Variants in MYO1E observed in about 807,000 individuals in gnomAD.
MYO1E encodes the protein myosin IE, also known as unconventional myosin-Ie.
In MYO1E, 68 loss-of-function variants were observed where a neutral mutation model predicts 151.1. The observed-to-expected ratio is 0.45, with a 90% CI of 0.37 to 0.55. The LOEUF (loss-of-function observed/expected upper bound fraction) is 0.55, where lower values mean the gene tolerates loss of function less well. Among genes scored for constraint, MYO1E ranks in the 20% least tolerant of loss-of-function variants. The pLI, the probability that MYO1E is intolerant of heterozygous loss-of-function variation, is 0.00. For synonymous variants in MYO1E, 601 were observed against 501.7 expected, an observed-to-expected ratio of 1.20 and a Z score of -2.64; for missense variants, 1,363 against 1,389.3, an observed-to-expected ratio of 0.98 and a Z score of 0.30.
chr15:59,172,330 C>G (rs1363476250), intron 21 of MYO1E, among the ~76,000 whole-genome samples: 1 of 152,184 alleles, frequency 6.6e-6, no homozygotes, highest in Non-Finnish European at 1.5e-5. Context: ...GCACTCCAGC[C>G]TGGGTGACAG....
intron 19 of MYO1E, among the ~76,000 whole-genome samples, chr15:59,176,361 T>C (rs776579715): frequency 3.3e-5 from 5 of 152,074 alleles, no homozygotes; most frequent in Admixed American, 6.5e-5. Context: ...CGCGCGGTTA[T>C]GATGTGGGTT....
At chr15:59,238,209 T>C (rs2080078354) in intron 4 of MYO1E, among the ~76,000 whole-genome samples, 3 of 152,254 alleles carry the variant, frequency 2.0e-5, no homozygotes, top group Non-Finnish European at 4.4e-5. Context: ...TCTTTTCAAA[T>C]GGTTGACATA....
intron 1 of MYO1E, among the ~76,000 whole-genome samples, chr15:59,365,591 T>C (rs2080908430): frequency 6.6e-6 from 1 of 152,366 alleles, no homozygotes; most frequent in Admixed American, 6.5e-5. Context: ...TAGATCTCTC[T>C]GTGAAGTTAA....
chr15:59,219,251 G>A (rs1481202970), intron 9 of MYO1E, among the ~76,000 whole-genome samples: 2 of 152,216 alleles, frequency 1.3e-5, no homozygotes, highest in East Asian at 1.9e-4. Context: ...TGGGCAGAAC[G>A]TTCTCATATA....
intron 9 of MYO1E, among the ~76,000 whole-genome samples, chr15:59,220,854 C>T (rs2079950186): frequency 9.7e-6 from 1 of 102,628 alleles, no homozygotes; most frequent in Non-Finnish European, 2.7e-5. Context: ...CTTCCGGAGG[C>T]CAAGGCGGGA....
At chr15:59,181,498 G>A (rs1234221151) in intron 18 of MYO1E, among the ~76,000 whole-genome samples, 1 of 152,204 alleles carries the variant, frequency 6.6e-6, no homozygotes, top group Admixed American at 6.5e-5. Context: ...GTGGGGAGAT[G>A]GTGTAAATGG....
chr15:59,237,908 T>C (rs1566988795), intron 4 of MYO1E, among the ~76,000 whole-genome samples: 1 of 152,212 alleles, frequency 6.6e-6, no homozygotes, highest in Non-Finnish European at 1.5e-5. Flanking sequence ...CTGAATTTCC[T>C]TGAACTAATA....
intron 1 of MYO1E, among the ~76,000 whole-genome samples, chr15:59,275,698 T>C (rs926544011): frequency 5.9e-5 from 9 of 151,996 alleles, no homozygotes; most frequent in Admixed American, 6.5e-5. Flanking sequence ...CTCAGAGCCT[T>C]TGGGAGAACC....
chr15:59,269,852 C>CAA (rs1161721799), intron 2 of MYO1E, among the ~76,000 whole-genome samples: 14 of 138,350 alleles, frequency 1.0e-4, no homozygotes, highest in African/African-American at 3.2e-4. Context: ...GACTCCATCT[C>CAA]AAAAAAAAAA....
intron 1 of MYO1E, among the ~76,000 whole-genome samples, chr15:59,346,405 G>A (rs1254411304): frequency 1.3e-5 from 2 of 152,070 alleles, no homozygotes; most frequent in Non-Finnish European, 2.9e-5. Flanking sequence ...AACCTGTTTT[G>A]TCTCATGTTT....
chr15:59,279,980 A>T (rs2140388300), intron 1 of MYO1E, among the ~76,000 whole-genome samples: 1 of 152,340 alleles, frequency 6.6e-6, no homozygotes, highest in African/African-American at 2.4e-5. Flanking sequence ...ATTGTGAAAA[A>T]AGTTAGATCA....
At chr15:59,207,769 A>C (rs774435907) in intron 14 of MYO1E, 33 of 1,614,040 alleles carry the variant, frequency 2.0e-5, no homozygotes, top group Non-Finnish European at 4.2e-6. Context: ...TGAGCAATGG[A>C]AAAATGTCCA....
intron 26 of MYO1E, among the ~76,000 whole-genome samples, chr15:59,143,984 G>A (rs1240085162): frequency 6.6e-6 from 1 of 152,108 alleles, no homozygotes. Context: ...TGACTTGTGT[G>A]GCTATTTGGC....
rs2080817783 is a variant in MYO1E, at chr15:59,350,536, G to T, written c.3+21962C>A. The stretch of plus-strand genomic sequence containing the variant: ...CTACATGCATTACTGAGAGGAAAGT[G>T]GGGAGAGGAGGCCTGATCCACAGCT... On this transcript the variant is annotated intron_variant, in intron 1 of 27. Transcript: ENST00000288235. The surrounding 1 kb of genome is among the most constrained non-coding windows in gnomAD (Gnocchi z 5.0). Among the ~76,000 whole-genome samples, 1 of 152,198 alleles carries T rather than the reference G, an allele frequency of 6.6e-6. No individual in the cohort carries two copies. Among genetic ancestry groups the T allele is most frequent in the South Asian group, 2.1e-4 (1 of 4,828 alleles).
At position 59,159,535 on chromosome 15, in the gene MYO1E, G is replaced by T. The variant is rs2079526513; in HGVS notation, c.2786-1156C>A. On this transcript the variant is annotated intron_variant, in intron 24 of 27. Coordinates refer to ENST00000288235, the MANE Select transcript of MYO1E (RefSeq NM_004998.4). This position sits in a 1 kb window ranked among gnomAD's most constrained non-coding sequence, Gnocchi z 4.4. ...GCCTCCTTCCTGACTGTAGCCTTCA[G>T]TTCACCTCGTTCCTCCCTCTGCTGC... 6.6e-6 allele frequency among the ~76,000 whole-genome samples: 1 copy of T among 152,188 alleles called. No individual in the cohort carries two copies. Among genetic ancestry groups the T allele is most frequent in the African/African-American group, 2.4e-5 (1 of 41,446 alleles).
chr15:59,359,762 C>T (rs1342288615), intron 1 of MYO1E: 2 of 152,222 alleles, frequency 1.3e-5, no homozygotes, highest in Non-Finnish European at 2.9e-5. Context: ...CTATGAATGC[C>T]AAGATATCAC....
intron 1 of MYO1E, among the ~76,000 whole-genome samples, chr15:59,371,434 G>T (rs2080943789): frequency 1.9e-5 from 1 of 52,852 alleles, no homozygotes; most frequent in Non-Finnish European, 6.1e-5. Context: ...CCTTGTAATA[G>T]ATTTTTTTTT....
chr15:59,298,399 T>C (rs1025838034), intron 1 of MYO1E, among the ~76,000 whole-genome samples: 2 of 152,208 alleles, frequency 1.3e-5, no homozygotes, highest in African/African-American at 2.4e-5. Context: ...TCAGTGATAC[T>C]GCGTTCTACC....
chr15:59,169,814 A>G (rs2079581780), intron 22 of MYO1E, among the ~76,000 whole-genome samples: 1 of 152,016 alleles, frequency 6.6e-6, no homozygotes, highest in African/African-American at 2.4e-5. Context: ...CTGCTTGACA[A>G]CCCCCTCAAG....
Sources: gnomAD v4.1 joint callset for allele counts (sites outside exome capture counted in the v4.1 genomes callset) on GRCh38, gnomAD v4.1.1 for gene constraint, Gnocchi (gnomAD v3.1) non-coding constraint, MANE v1.5 for transcripts, NCBI Gene and HGNC (gene_info 2026-07-23, HGNC 2026-07-21) for gene names.